VSNL1: variants seen among roughly 807,000 people sequenced by gnomAD.
VSNL1 encodes the protein visinin like 1, also known as visinin-like protein 1.
In VSNL1, 6 loss-of-function variants were observed where a neutral mutation model predicts 20.4. The ratio of observed to expected loss-of-function variants is 0.29; its 90% CI spans 0.16 to 0.58. VSNL1 has a LOEUF of 0.58. VSNL1 is among the 20% of genes least tolerant of loss of function. The probability of loss-of-function intolerance (pLI) is 0.90; values close to 1 mark genes in which losing one functional copy is unlikely to be tolerated. For missense variants in VSNL1, 100 were observed against 234.5 expected (o/e 0.43, Z 3.75); for synonymous variants, 93 against 86.4 (o/e 1.08, Z -0.42).
intron 1 of VSNL1, among the ~76,000 whole-genome samples, chr2:17,579,509 C>T (rs993774772): frequency 4.6e-5 from 7 of 152,222 alleles, no homozygotes; most frequent in Non-Finnish European, 1.0e-4. Flanking sequence ...AACAATTTTA[C>T]AATTTGCAAA....
intron 1 of VSNL1, among the ~76,000 whole-genome samples, chr2:17,550,708 A>G (rs1043060956): frequency 2.0e-5 from 3 of 152,198 alleles, no homozygotes; most frequent in Non-Finnish European, 4.4e-5. Context: ...ATGCATGCAA[A>G]CACAGGTACT....
intron 1 of VSNL1, chr2:17,567,353 CTTTTTTTTTTTTTT>C (rs57144136): frequency 1.2e-5 from 1 of 84,554 alleles, no homozygotes; most frequent in Non-Finnish European, 2.0e-5. Flanking sequence ...TAGAGTCTCA[CTTTTTTTTTTTTTT>C]TTTTTTTTTT....
intron 2 of VSNL1, among the ~76,000 whole-genome samples, chr2:17,641,866 C>T (rs1027162982): frequency 7.2e-5 from 11 of 152,144 alleles, no homozygotes; most frequent in South Asian, 2.1e-4. Flanking sequence ...ATTCACCCTT[C>T]GAAGTTTGAT....
intron 1 of VSNL1, among the ~76,000 whole-genome samples, chr2:17,575,700 T>A (rs1175773569): frequency 6.6e-6 from 1 of 152,020 alleles, no homozygotes; most frequent in Non-Finnish European, 1.5e-5. Context: ...CATGCCCGGC[T>A]AATTTTTTGT....
intron 1 of VSNL1, among the ~76,000 whole-genome samples, chr2:17,583,021 C>T (rs1404552547): frequency 1.3e-5 from 2 of 151,988 alleles, no homozygotes; most frequent in African/African-American, 4.8e-5. Flanking sequence ...TAAGACTAAC[C>T]AACATGAATT....
At chr2:17,571,997 G>C (rs1484532166) in intron 1 of VSNL1, among the ~76,000 whole-genome samples, 1 of 152,186 alleles carries the variant, frequency 6.6e-6, no homozygotes, top group Non-Finnish European at 1.5e-5. Flanking sequence ...CACAAAGTGA[G>C]TATGACTGAA....
chr2:17,635,632 G>A (rs1406698405), intron 2 of VSNL1, among the ~76,000 whole-genome samples: 1 of 152,150 alleles, frequency 6.6e-6, no homozygotes, highest in African/African-American at 2.4e-5. Context: ...TATTTTGAAG[G>A]TCTGTGCCAC....
At chr2:17,575,924 G>A (rs1177845642) in intron 1 of VSNL1, among the ~76,000 whole-genome samples, 3 of 152,046 alleles carry the variant, frequency 2.0e-5, no homozygotes, top group African/African-American at 7.2e-5. Context: ...ACATTCACTT[G>A]TTACCATAGA....
At chr2:17,654,118 C>T (rs1299716469) in intron 3 of VSNL1, among the ~76,000 whole-genome samples, 1 of 152,200 alleles carries the variant, frequency 6.6e-6, no homozygotes, top group East Asian at 1.9e-4. Context: ...TTGATGAGCA[C>T]TTGTGTCATT....
At chr2:17,550,222 C>T (rs1246184478) in intron 1 of VSNL1, among the ~76,000 whole-genome samples, 3 of 152,116 alleles carry the variant, frequency 2.0e-5, no homozygotes, top group African/African-American at 4.8e-5. Context: ...ATGGTTATAT[C>T]TGCTAAAATA....
chr2:17,579,561 T>G (rs1233312330), intron 1 of VSNL1, among the ~76,000 whole-genome samples: 3 of 152,200 alleles, frequency 2.0e-5, no homozygotes, highest in Non-Finnish European at 2.9e-5. Context: ...GGCAAATTCG[T>G]TGAGGCAGAA....
chr2:17,579,041 C>T (rs955509527), intron 1 of VSNL1, among the ~76,000 whole-genome samples: 2 of 152,218 alleles, frequency 1.3e-5, no homozygotes, highest in Non-Finnish European at 2.9e-5. Context: ...TTTTCTCCTT[C>T]ATGCCAGGGA....
intron 2 of VSNL1, among the ~76,000 whole-genome samples, chr2:17,620,762 A>G (rs1665335906): frequency 6.6e-6 from 1 of 152,218 alleles, no homozygotes; most frequent in South Asian, 2.1e-4. Context: ...AGGGTATAAT[A>G]TAGTACAAAA....
chr2:17,645,362 A>G (rs1665970346), intron 2 of VSNL1, among the ~76,000 whole-genome samples: 1 of 152,250 alleles, frequency 6.6e-6, no homozygotes. Context: ...CTCCTCCATC[A>G]CATTGAGGCA....
At chr2:17,638,188 C>T (rs953688138) in intron 2 of VSNL1, among the ~76,000 whole-genome samples, 2 of 152,152 alleles carry the variant, frequency 1.3e-5, no homozygotes, top group Non-Finnish European at 1.5e-5. Flanking sequence ...CTGCCACTAA[C>T]TAAGTATGTG....
chr2:17,630,309 C>T (rs1198758918), intron 2 of VSNL1, among the ~76,000 whole-genome samples: 1 of 152,224 alleles, frequency 6.6e-6, no homozygotes, highest in Non-Finnish European at 1.5e-5. Flanking sequence ...GAGTCATTCC[C>T]TCAGGCTCAA....
intron 2 of VSNL1, among the ~76,000 whole-genome samples, chr2:17,611,512 A>G (rs142946072): frequency 1.3e-5 from 2 of 152,372 alleles, no homozygotes; most frequent in East Asian, 3.9e-4. Flanking sequence ...AATGTGGGGT[A>G]GTGCACTCAC....
intron 1 of VSNL1, among the ~76,000 whole-genome samples, chr2:17,581,204 A>G (rs1206026003): frequency 1.3e-5 from 2 of 152,154 alleles, no homozygotes; most frequent in Non-Finnish European, 2.9e-5. Context: ...TTTTTTATAT[A>G]AAGCCCTTCT....
intron 2 of VSNL1, among the ~76,000 whole-genome samples, chr2:17,619,486 C>T (rs1027432400): frequency 9.9e-5 from 15 of 152,130 alleles, no homozygotes; most frequent in African/African-American, 3.4e-4. Flanking sequence ...AACTCAAATG[C>T]GAAACTTCAG....
Sources: gnomAD v4.1 joint callset for allele counts (sites outside exome capture counted in the v4.1 genomes callset) on GRCh38, gnomAD v4.1.1 for gene constraint, MANE v1.5 for transcripts, NCBI Gene and HGNC (gene_info 2026-07-23, HGNC 2026-07-21) for gene names.